The following PTPRN2 variants were observed in gnomAD, a reference collection of about 807,000 sequenced individuals.
PTPRN2 encodes protein tyrosine phosphatase receptor type N2.
Under a neutral mutation model 118.8 loss-of-function variants are expected in PTPRN2, and 74 were observed. That is an observed-to-expected ratio of 0.62 (90% confidence interval 0.52 to 0.76). The LOEUF is 0.76. PTPRN2 is among the 30% of genes least tolerant of loss of function. PTPRN2 has a pLI of 0.00. For synonymous variants in PTPRN2, 641 were observed against 608.0 expected (o/e 1.05, Z -0.80); for missense variants, 1,481 against 1,394.4 (o/e 1.06, Z -0.99).
At position 157,785,566 on chromosome 7, in the gene PTPRN2, C is replaced by A. The variant is rs1803982306; in HGVS notation, c.1789-102629G>T. Among the ~76,000 whole-genome samples, 1 of 152,176 alleles carries A rather than the reference C, an allele frequency of 6.6e-6. No homozygotes were observed. Among genetic ancestry groups the A allele is most frequent in the Non-Finnish European group, 1.5e-5 (1 of 68,024 alleles). On this transcript the variant is annotated intron_variant, in intron 12 of 22. Coordinates refer to ENST00000389418, the MANE Select transcript of PTPRN2 (RefSeq NM_002847.5). The surrounding 1 kb of genome is among the most constrained non-coding windows in gnomAD (Gnocchi z 7.3). ...CCGCAAACCTGGTCTCTGCTGAAAT[C>A]TGAACAGTCTACACTGGACAGACAT...
intron 9 of PTPRN2, among the ~76,000 whole-genome samples, chr7:158,131,310 A>C (rs1288853743): frequency 2.1e-5 from 3 of 142,078 alleles, no homozygotes; most frequent in Non-Finnish European, 4.5e-5. Context: ...AAAAATACAC[A>C]TCTACCCCAC....
rs551501671 is a variant in PTPRN2, at chr7:158,330,964, G to A, written c.164-14032C>T. 1.1e-4 allele frequency among the ~76,000 whole-genome samples: 13 copies of A among 114,824 alleles called. 3 individuals carry two copies. The highest frequency in any genetic ancestry group is 3.4e-4 in the African/African-American group (10 of 29,506). 75.3% of individuals were successfully genotyped at this position (114,824 alleles called of 152,430 possible). On this transcript the variant is annotated intron_variant, in intron 2 of 22. Coordinates refer to ENST00000389418, the MANE Select transcript of PTPRN2 (RefSeq NM_002847.5). Reference sequence around the variant, plus strand: ...ACGATAAGAGCTGTCACACGCAGACGACACTCACACCCACACTCTCACCAT... The same window carrying A: ...ACGATAAGAGCTGTCACACGCAGACAACACTCACACCCACACTCTCACCAT...
chr7:157,870,910 G>T (rs372394007), intron 12 of PTPRN2, among the ~76,000 whole-genome samples: 1 of 152,248 alleles, frequency 6.6e-6, no homozygotes, highest in East Asian at 1.9e-4. Flanking sequence ...TGATCTTTCT[G>T]TGAGACTCTG....
At chr7:158,171,177 C>A (rs1281073651) in intron 5 of PTPRN2, among the ~76,000 whole-genome samples, 1 of 138,220 alleles carries the variant, frequency 7.2e-6, no homozygotes, top group Non-Finnish European at 1.6e-5. Flanking sequence ...CATATATACA[C>A]ATATATACAC....
chr7:158,394,772 G>T (rs577781262), intron 2 of PTPRN2, among the ~76,000 whole-genome samples: 6 of 152,226 alleles, frequency 3.9e-5, no homozygotes. Context: ...GAGGGTGTGC[G>T]GCAGGGGCTG....
At chr7:158,139,462 G>A (rs1819167083) in intron 6 of PTPRN2, among the ~76,000 whole-genome samples, 2 of 152,050 alleles carry the variant, frequency 1.3e-5, no homozygotes, top group Non-Finnish European at 2.9e-5. Flanking sequence ...TCACCCCTGG[G>A]GCATCCAAGC....
chr7:157,944,865 C>A lies in PTPRN2; in HGVS notation c.1724-46128G>T, dbSNP rs568120068. On this transcript the variant is annotated intron_variant, in intron 11 of 22. Coordinates refer to ENST00000389418, the MANE Select transcript of PTPRN2 (RefSeq NM_002847.5). This position sits in a 1 kb window ranked among gnomAD's most constrained non-coding sequence, Gnocchi z 4.3. ...CTTGGGGGGCAGGCATTGTCTACAA[C>A]ACAGACTACACAGTCCACAGTCCAC... 6.6e-6 allele frequency among the ~76,000 whole-genome samples: 1 copy of A among 152,212 alleles called. No individual in the cohort carries two copies. The highest frequency in any genetic ancestry group is 1.9e-4 in the East Asian group (1 of 5,184).
chr7:158,146,564 AC>A lies in PTPRN2; in HGVS notation c.911-8050del, dbSNP rs1383786120. Reference sequence around the variant, plus strand: ...GTGAAACCCCATCTCTACTAAAAATACAAAAAATTAGCCAGGCGTGGTGGCG... The same window carrying A: ...GTGAAACCCCATCTCTACTAAAAATAAAAAAATTAGCCAGGCGTGGTGGCG... On this transcript the variant is annotated intron_variant, in intron 6 of 22. Transcript: ENST00000389418. 6.6e-5 allele frequency among the ~76,000 whole-genome samples: 10 copies of A among 151,914 alleles called. No individual in the cohort carries two copies. In the South Asian group the frequency reaches 1.5e-3, roughly 22 times the overall value.
chr7:157,646,318 G>A (rs1409855509), intron 14 of PTPRN2, among the ~76,000 whole-genome samples: 1 of 152,098 alleles, frequency 6.6e-6, no homozygotes, highest in African/African-American at 2.4e-5. Flanking sequence ...GCTTTCCTGA[G>A]ATGGTGTTGT....
intron 1 of PTPRN2, among the ~76,000 whole-genome samples, chr7:158,498,733 A>G (rs2129446194): frequency 6.6e-6 from 1 of 152,368 alleles, no homozygotes; most frequent in South Asian, 2.1e-4. Flanking sequence ...ATCCTTGAAC[A>G]TTAAATACTG....
chr7:158,042,382 C>G (rs148181663), intron 11 of PTPRN2, among the ~76,000 whole-genome samples: 236 of 152,296 alleles, frequency 1.5e-3, no homozygotes, highest in African/African-American at 5.4e-3. Flanking sequence ...CCAAACACAG[C>G]TCAGAACTGC....
chr7:158,313,229 C>A (rs1028239672), intron 3 of PTPRN2, among the ~76,000 whole-genome samples: 2 of 152,168 alleles, frequency 1.3e-5, no homozygotes, highest in African/African-American at 4.8e-5. Context: ...CACCAATGGC[C>A]CTGGCAACCA....
intron 3 of PTPRN2, among the ~76,000 whole-genome samples, chr7:158,218,878 G>T (rs1479924104): frequency 1.3e-5 from 2 of 152,118 alleles, no homozygotes; most frequent in African/African-American, 4.8e-5. Context: ...TCAACAAGAA[G>T]ACTTAACTAC....
intron 9 of PTPRN2, among the ~76,000 whole-genome samples, chr7:158,128,863 A>G (rs1007822849): frequency 1.3e-5 from 2 of 152,088 alleles, no homozygotes; most frequent in African/African-American, 4.8e-5. Flanking sequence ...CTGCAGGGAA[A>G]CACACAGTGT....
At chr7:158,211,613 A>C (rs1238977778) in intron 3 of PTPRN2, among the ~76,000 whole-genome samples, 1 of 152,220 alleles carries the variant, frequency 6.6e-6, no homozygotes, top group Non-Finnish European at 1.5e-5. Flanking sequence ...GCGTATGAAA[A>C]GGTGCTCAAC....
chr7:157,650,268 G>A (rs1284762531), intron 14 of PTPRN2, among the ~76,000 whole-genome samples: 1 of 152,224 alleles, frequency 6.6e-6, no homozygotes, highest in African/African-American at 2.4e-5. Flanking sequence ...TCCCCCGCAG[G>A]GGCTCCCCAT....
intron 21 of PTPRN2, among the ~76,000 whole-genome samples, chr7:157,567,017 C>T (rs1005579567): frequency 1.3e-5 from 2 of 152,172 alleles, no homozygotes; most frequent in Non-Finnish European, 2.9e-5. Flanking sequence ...TGATCTGTAA[C>T]GTTCTGAAGA....
chr7:158,002,430 T>C (rs745473789), intron 11 of PTPRN2, among the ~76,000 whole-genome samples: 12 of 152,200 alleles, frequency 7.9e-5, no homozygotes, highest in Non-Finnish European at 1.6e-4. Context: ...CTAAAACCTC[T>C]GGTGGGGAGA....
At chr7:157,969,470 T>C (rs1458863626) in intron 11 of PTPRN2, among the ~76,000 whole-genome samples, 1 of 152,150 alleles carries the variant, frequency 6.6e-6, no homozygotes. Flanking sequence ...CCACCTCTGA[T>C]TTCTCAAGTG....
Sources: gnomAD v4.1 joint callset for allele counts (sites outside exome capture counted in the v4.1 genomes callset) on GRCh38, gnomAD v4.1.1 for gene constraint, Gnocchi (gnomAD v3.1) non-coding constraint, MANE v1.5 for transcripts, NCBI Gene and HGNC (gene_info 2026-07-23, HGNC 2026-07-21) for gene names.